Variants in FADS3 observed in about 807,000 individuals in gnomAD.
The protein encoded by FADS3 is cytochrome b5-related protein.
In FADS3, 30 loss-of-function variants were observed where a neutral mutation model predicts 60.4. The observed-to-expected ratio is 0.50, with a 90% CI of 0.37 to 0.67. The LOEUF (loss-of-function observed/expected upper bound fraction) is 0.67. FADS3 is among the 30% of genes least tolerant of loss of function. The pLI is 0.00. For synonymous variants in FADS3, 234 were observed against 249.3 expected, an observed-to-expected ratio of 0.94 and a Z score of 0.58; for missense variants, 432 against 598.3, an observed-to-expected ratio of 0.72 and a Z score of 2.90.
Position 61,873,669 on chromosome 11 carries a change from G to T in FADS3, c.*145C>A. 1.4e-6 allele frequency: 1 copy of T among 691,246 alleles called. No individual in the cohort carries two copies. Among genetic ancestry groups the T allele is most frequent in the Non-Finnish European group, 2.6e-6 (1 of 378,592 alleles). 42.8% of individuals were successfully genotyped at this position (691,246 alleles called of 1,614,324 possible). ...TAGGGCTGCTGAATACACATGTGAG[G>T]GGGCCGAGGGGAAGACAACAGTACC... On this transcript the variant is annotated 3_prime_UTR_variant, in exon 12 of 12. Coordinates refer to ENST00000278829, the MANE Select transcript of FADS3 (RefSeq NM_021727.5).
intron 3 of FADS3, 93 bp from the exon 4 acceptor site, chr11:61,878,940 C>T (rs1426433092): frequency 2.0e-6 from 2 of 1,001,332 alleles, no homozygotes; most frequent in Admixed American, 4.8e-5. Context: ...GCAGGGTACC[C>T]CCGTGCTAAT....
In FADS3 at chr11:61,876,317, C is replaced by G. The variant is rs200308162; in HGVS notation, c.1080+42G>C. On this transcript the variant is annotated intron_variant, in intron 9 of 11. Transcript: ENST00000278829. This position sits in a 1 kb window ranked among gnomAD's most constrained non-coding sequence, Gnocchi z 5.7. ...TTTGCCATCTGGCTCCTAGCTGGGACCCCCCACCCCACCCAGGATGGGCCC... is the reference window on the plus strand; with the variant it reads ...TTTGCCATCTGGCTCCTAGCTGGGAGCCCCCACCCCACCCAGGATGGGCCC... 1 of 1,594,066 alleles carries G rather than the reference C, an allele frequency of 6.3e-7. No individual in the cohort carries two copies. The highest frequency in any genetic ancestry group is 8.6e-7 in the Non-Finnish European group (1 of 1,165,226).
chr11:61,878,926 G>T, intron 3 of FADS3, 79 bp from the exon 4 acceptor site: 3 of 1,163,746 alleles, frequency 2.6e-6, no homozygotes, highest in African/African-American at 1.5e-5. Context: ...AATCCTTTCA[G>T]CTTGCAGGGT....
At chr11:61,878,442 G>A in intron 5 of FADS3, 70 bp downstream of exon 5, 1 of 1,576,766 alleles carries the variant, frequency 6.3e-7, no homozygotes, top group Non-Finnish European at 8.6e-7. Context: ...GGCAGAGTGG[G>A]GACCCAGTGC....
At chr11:61,879,981 C>T in intron 2 of FADS3, 60 bp downstream of exon 2, 1 of 1,407,398 alleles carries the variant, frequency 7.1e-7, no homozygotes, top group Non-Finnish European at 9.9e-7. Flanking sequence ...GCAATGTCTC[C>T]CAGCCCTCCA....
At chr11:61,891,093 T>G (rs1938489851) in intron 1 of FADS3, 76 bp downstream of exon 1, 1 of 1,263,726 alleles carries the variant, frequency 7.9e-7, no homozygotes, top group Non-Finnish European at 1.1e-6. Flanking sequence ...GCCCCACAGG[T>G]GGAGCGGGAC....
rs191972868 is a variant in FADS3 at position 61,877,288 on chromosome 11, C to T, written c.885+223G>A. The T allele has an allele frequency of 1.2e-4, 34 of 273,826 alleles. No individual in the cohort carries two copies. Among genetic ancestry groups the T allele is most frequent in the African/African-American group, 6.8e-4 (25 of 36,538 alleles). 17.0% of individuals were successfully genotyped at this position (273,826 alleles called of 1,614,324 possible). A position where few individuals can be genotyped will look rare whatever the true frequency, so the allele number is the denominator to read the frequency against. ...CCCTCACCGAGAGAGACCCACACCC[C>T]CCCTGTTCCTCAACCCCCCCCCACC... is the stretch of plus-strand genomic sequence containing the variant. On this transcript the variant is annotated intron_variant, in intron 7 of 11. Coordinates refer to ENST00000278829, the MANE Select transcript of FADS3 (RefSeq NM_021727.5). The surrounding 1 kb of genome is among the most constrained non-coding windows in gnomAD (Gnocchi z 4.7).
At chr11:61,888,521 A>G (rs995682551) in intron 1 of FADS3, among the ~76,000 whole-genome samples, 20 of 152,260 alleles carry the variant, frequency 1.3e-4, no homozygotes, top group Non-Finnish European at 2.5e-4. Flanking sequence ...ACTCTAGTCC[A>G]GGCTGTGGGG....
chr11:61,891,339 G>A lies in FADS3; in HGVS notation c.43C>T (p.Gln15Ter). ...GEPGPREGPA[Q>*]PGAPLPTFCW... ...AAGGTGGGCAGCGGCGCCCCCGGCT[G>A]CGCGGGTCCCTCCCGCGGTCCCGGC... Residue 15 changes from glutamine to a stop codon, truncating the protein, a stop_gained, in exon 1 of 12, where the codon CAG becomes TAG. Coordinates refer to ENST00000278829, the MANE Select transcript of FADS3 (RefSeq NM_021727.5). LOFTEE classifies it high-confidence loss of function. 1 of 1,511,298 alleles carries A rather than the reference G, an allele frequency of 6.6e-7. No individual in the cohort carries two copies. Among genetic ancestry groups the A allele is most frequent in the Non-Finnish European group, 8.8e-7 (1 of 1,133,324 alleles). 93.6% of individuals were successfully genotyped at this position (1,511,298 alleles called of 1,614,324 possible). A position where few individuals can be genotyped will look rare whatever the true frequency, so the allele number is the denominator to read the frequency against.
In FADS3 at chr11:61,891,532, G is replaced by A. The variant is rs1451014934; in HGVS notation, c.-151C>T. 7.2e-6 allele frequency: 3 copies of A among 414,744 alleles called. No homozygotes were observed. The highest frequency in any genetic ancestry group is 4.9e-5 in the Admixed American group (1 of 20,248). The allele number at this position is 414,744 out of a possible 1,614,324, so 25.7% of individuals were successfully genotyped here. ...CCGCGGCCGCCGTACGAGCGAGCGT[G>A]CGCCTCCCGGCTCGCGGCGCAGGGA... On this transcript the variant is annotated 5_prime_UTR_variant, in exon 1 of 12. Coordinates refer to ENST00000278829, the MANE Select transcript of FADS3 (RefSeq NM_021727.5).
chr11:61,884,979 C>T (rs944887039), intron 1 of FADS3, among the ~76,000 whole-genome samples: 14 of 152,322 alleles, frequency 9.2e-5, no homozygotes, highest in African/African-American at 3.1e-4. Context: ...CCCTCCACAG[C>T]CCCCAAAGCA....
upstream of FADS3, chr11:61,891,845 G>A (rs1591206510): frequency 1.3e-5 from 2 of 152,218 alleles, no homozygotes; most frequent in Admixed American, 6.5e-5. Flanking sequence ...GGGGCCTGGG[G>A]ACACAACACG....
In FADS3 at chr11:61,880,156, A is replaced by G; in HGVS notation, c.214-5T>C. On this transcript the variant is annotated splice_region_variant and splice_polypyrimidine_tract_variant and intron_variant, in intron 1 of 11. Coordinates refer to ENST00000278829, the MANE Select transcript of FADS3 (RefSeq NM_021727.5). Reference sequence around the variant, plus strand: ...ATGGAAGGCACGGAAGGCATCCTGAAGGAGAGCAGACAGTCAGGCGGACAG... The same window carrying G: ...ATGGAAGGCACGGAAGGCATCCTGAGGGAGAGCAGACAGTCAGGCGGACAG... 2 of 1,612,580 alleles carry G rather than the reference A, an allele frequency of 1.2e-6. No homozygotes were observed. Among genetic ancestry groups the G allele is most frequent in the Admixed American group, 3.3e-5 (2 of 60,014 alleles).
intron 3 of FADS3, 143 bp downstream of exon 3, chr11:61,879,169 T>A (rs1938027848): frequency 1.3e-6 from 1 of 790,260 alleles, no homozygotes. Flanking sequence ...TTCAGACTGT[T>A]CACTCATTCA....
intron 1 of FADS3, 55 bp from the exon 2 acceptor site, chr11:61,880,206 G>T: frequency 6.9e-7 from 1 of 1,442,916 alleles, no homozygotes; most frequent in Non-Finnish European, 9.7e-7. Context: ...GTAGCACAGC[G>T]GCAACCAGCA....
At chr11:61,878,907 G>T in intron 3 of FADS3, 60 bp from the exon 4 acceptor site, 1 of 1,483,528 alleles carries the variant, frequency 6.7e-7, no homozygotes, top group Non-Finnish European at 9.3e-7. Context: ...AGGGCCTGGG[G>T]CCCCAGTGAA....
At chr11:61,882,875 G>A (rs1269387752) in intron 1 of FADS3, among the ~76,000 whole-genome samples, 5 of 152,074 alleles carry the variant, frequency 3.3e-5, no homozygotes, top group Non-Finnish European at 7.4e-5. Flanking sequence ...GATTAGAGGT[G>A]CAAGCCACCA....
At chr11:61,880,226 G>A (rs914828608) in intron 1 of FADS3, 75 bp from the exon 2 acceptor site, 22 of 1,230,544 alleles carry the variant, frequency 1.8e-5, no homozygotes, top group African/African-American at 1.0e-4. Flanking sequence ...AGAGACAGGC[G>A]GAAGGACTAC....
Position 61,877,559 on chromosome 11 carries a change from G to T in FADS3, c.837C>A (p.Asn279Lys). Reference protein sequence around the residue: ...LIGPPLLTLVNFEVENLAYML... With the variant: ...LIGPPLLTLVKFEVENLAYML... ...TGTACGCCAGATTTTCCACTTCAAAGTTCACCAGGGTGAGCAGCGGCGGGC... is the reference window on the plus strand; with the variant it reads ...TGTACGCCAGATTTTCCACTTCAAATTTCACCAGGGTGAGCAGCGGCGGGC... The change falls in exon 7 of 12, where the codon AAC (asparagine) becomes AAA (lysine). Residue 279 changes from asparagine (N) to lysine (K), a missense_variant. Around this residue, in one of 5 missense-constraint regions of FADS3, gnomAD observed 116 missense variants for 208.9 expected, o/e 0.56. Coordinates refer to ENST00000278829, the MANE Select transcript of FADS3 (RefSeq NM_021727.5). This position sits in a 1 kb window ranked among gnomAD's most constrained non-coding sequence, Gnocchi z 4.7. 1.2e-6 allele frequency: 2 copies of T among 1,613,750 alleles called. No individual in the cohort carries two copies. Among genetic ancestry groups the T allele is most frequent in the Non-Finnish European group, 1.7e-6 (2 of 1,180,008 alleles).
Sources: allele counts gnomAD v4.1 joint callset (sites outside exome capture counted in the v4.1 genomes callset), GRCh38; gene constraint gnomAD v4.1.1; regional missense constraint gnomAD v4.1.1; non-coding constraint Gnocchi (gnomAD v3.1); transcripts MANE v1.5; gene names NCBI Gene and HGNC (gene_info 2026-07-23, HGNC 2026-07-21).